CNTN4: variants seen among roughly 807,000 people sequenced by gnomAD.
CNTN4 encodes the protein contactin-4.
In CNTN4, 77 loss-of-function variants were observed where a neutral mutation model predicts 122.5. The ratio of observed to expected loss-of-function variants is 0.63; its 90% confidence interval spans 0.52 to 0.76. The LOEUF is 0.76. Ranked by LOEUF, CNTN4 falls within the 30% of genes least tolerant of loss-of-function variation. The probability of loss-of-function intolerance (pLI) is 0.00; values close to 1 mark genes in which losing one functional copy is unlikely to be tolerated. For missense variants in CNTN4, 1,256 were observed against 1,259.1 expected (o/e 1.00, Z 0.04); for synonymous variants, 512 against 447.0 (o/e 1.15, Z -1.83).
chr3:2,909,719 A>C (rs1331143746), intron 12 of CNTN4, among the ~76,000 whole-genome samples: 2 of 152,234 alleles, frequency 1.3e-5, no homozygotes, highest in Non-Finnish European at 2.9e-5. Context: ...TAAAATATTG[A>C]TTATCAGGCT....
intron 19 of CNTN4, chr3:3,039,835 A>G (rs1302478344): frequency 1.4e-5 from 8 of 576,354 alleles, no homozygotes; most frequent in Non-Finnish European, 2.5e-5. Flanking sequence ...GATCCTCATT[A>G]CGTTTTCAAC....
chr3:2,813,631 A>G (rs57465685), intron 6 of CNTN4, among the ~76,000 whole-genome samples: 19,304 of 152,036 alleles, frequency 0.13, 1,586 homozygotes, highest in East Asian at 0.4. Context: ...CTTCCTGTCC[A>G]TATGTGTAAT....
chr3:2,687,814 AG>A (rs1392733959), intron 4 of CNTN4, among the ~76,000 whole-genome samples: 1 of 152,216 alleles, frequency 6.6e-6, no homozygotes, highest in Non-Finnish European at 1.5e-5. Context: ...ATGTTAGTGT[AG>A]GAAGAAATCT....
At chr3:2,170,138 G>A (rs1420721986) in intron 2 of CNTN4, among the ~76,000 whole-genome samples, 6 of 151,234 alleles carry the variant, frequency 4.0e-5, no homozygotes, top group Non-Finnish European at 7.4e-5. Flanking sequence ...TGGCTAACAC[G>A]GTGAAACCCC....
At chr3:2,482,570 C>T (rs2076036012) in intron 3 of CNTN4, among the ~76,000 whole-genome samples, 1 of 152,190 alleles carries the variant, frequency 6.6e-6, no homozygotes, top group East Asian at 1.9e-4. Flanking sequence ...ACAGGCCCTC[C>T]CATGACAGGC....
chr3:2,920,918 A>G (rs2094422930), intron 12 of CNTN4, among the ~76,000 whole-genome samples: 1 of 152,242 alleles, frequency 6.6e-6, no homozygotes, highest in South Asian at 2.1e-4. Context: ...GACCGAAACA[A>G]TAGAAGGATG....
chr3:2,306,421 C>T (rs1242947955), intron 2 of CNTN4, among the ~76,000 whole-genome samples: 2 of 152,118 alleles, frequency 1.3e-5, no homozygotes, highest in African/African-American at 2.4e-5. Context: ...CTTTCATGTA[C>T]TTGTTGGACA....
In CNTN4 at chr3:3,026,115, A is replaced by G. The variant is rs1169650248; in HGVS notation, c.1500A>G (p.Val500=). The G allele has an allele frequency of 6.2e-7, 1 of 1,613,200 alleles. No individual in the cohort carries two copies. ...GNLVVKDPTR[V]MVPPSSMDVT... ...TTAACTCTCCAGATCCAACAAGGGT[A>G]ATGGTACCCCCTTCCAGTATGGATG... Residue 500 remains valine, a synonymous_variant, in exon 15 of 25, where the codon GTA becomes GTG. Transcript: ENST00000418658.
At chr3:2,238,502 T>G (rs1404120140) in intron 2 of CNTN4, among the ~76,000 whole-genome samples, 1 of 151,946 alleles carries the variant, frequency 6.6e-6, no homozygotes, top group Non-Finnish European at 1.5e-5. Flanking sequence ...TAAAAAAATC[T>G]TAGAAAATAT....
At chr3:2,949,590 G>A (rs1442536710) in intron 13 of CNTN4, among the ~76,000 whole-genome samples, 1 of 152,058 alleles carries the variant, frequency 6.6e-6, no homozygotes, top group African/African-American at 2.4e-5. Flanking sequence ...TTTTCCTATG[G>A]GCAGGACACA....
At chr3:2,589,703 G>A (rs1166384714) in intron 4 of CNTN4, among the ~76,000 whole-genome samples, 1 of 152,228 alleles carries the variant, frequency 6.6e-6, no homozygotes. Context: ...GGCTGCGGTT[G>A]CTGAAGGTTT....
intron 3 of CNTN4, among the ~76,000 whole-genome samples, chr3:2,372,252 G>T (rs2045659010): frequency 6.6e-6 from 1 of 152,182 alleles, no homozygotes; most frequent in African/African-American, 2.4e-5. Context: ...AAACTTAAAA[G>T]ATTGAAGCAG....
intron 4 of CNTN4, among the ~76,000 whole-genome samples, chr3:2,571,799 G>A (rs923215535): frequency 6.6e-6 from 1 of 152,072 alleles, no homozygotes; most frequent in Admixed American, 6.6e-5. Context: ...TTTTAGAGTC[G>A]TTTGAGCCAT....
At chr3:2,662,356 A>C (rs750774093) in intron 4 of CNTN4, among the ~76,000 whole-genome samples, 46 of 152,222 alleles carry the variant, frequency 3.0e-4, no homozygotes, top group Non-Finnish European at 4.4e-4. Flanking sequence ...ACTATGGTTC[A>C]TACAGTCATT....
intron 3 of CNTN4, among the ~76,000 whole-genome samples, chr3:2,512,178 T>C (rs1270574110): frequency 6.6e-6 from 1 of 152,192 alleles, no homozygotes; most frequent in East Asian, 1.9e-4. Context: ...AAGTTTCTCT[T>C]GTTTTTCAGT....
chr3:2,745,443 A>C, intron 5 of CNTN4, 79 bp from the exon 6 acceptor site: 1 of 1,162,324 alleles, frequency 8.6e-7, no homozygotes, highest in Non-Finnish European at 1.3e-6. Flanking sequence ...TGCTATTTAT[A>C]GTTTTTATAT....
chr3:2,895,554 A>G (rs1337525878), intron 10 of CNTN4, among the ~76,000 whole-genome samples: 2 of 152,188 alleles, frequency 1.3e-5, no homozygotes, highest in African/African-American at 2.4e-5. Context: ...CTGTAAAAGG[A>G]TTGGCCTATG....
At chr3:2,328,674 AC>A (rs897243978) in intron 2 of CNTN4, among the ~76,000 whole-genome samples, 33 of 152,018 alleles carry the variant, frequency 2.2e-4, no homozygotes, top group African/African-American at 7.7e-4. Flanking sequence ...GAAAAAAAAA[AC>A]AATAAAAAAT....
At chr3:2,332,025 C>T (rs1048009058) in intron 2 of CNTN4, among the ~76,000 whole-genome samples, 24 of 152,076 alleles carry the variant, frequency 1.6e-4, no homozygotes, top group African/African-American at 5.8e-4. Flanking sequence ...TGTTTGCTGG[C>T]CCTGGGTCTC....
Sources: gnomAD v4.1 joint callset for allele counts (sites outside exome capture counted in the v4.1 genomes callset) on GRCh38, gnomAD v4.1.1 for gene constraint, MANE v1.5 for transcripts, NCBI Gene and HGNC (gene_info 2026-07-23, HGNC 2026-07-21) for gene names.